CARM1: variants seen among roughly 807,000 people sequenced by gnomAD.
The protein encoded by CARM1 is coactivator associated arginine methyltransferase 1, also known as histone-arginine methyltransferase CARM1.
CARM1 carries 14 observed loss-of-function variants against 72.7 expected under a neutral mutation model. The ratio of observed to expected loss-of-function variants is 0.19; its 90% CI spans 0.13 to 0.30. CARM1 has a LOEUF of 0.30. Among genes scored for constraint, CARM1 ranks in the 10% least tolerant of loss-of-function variants. CARM1 has a pLI of 1.00. For missense variants in CARM1, 432 were observed against 833.7 expected, an observed-to-expected ratio of 0.52 and a Z score of 5.93; for synonymous variants, 333 against 345.5, an observed-to-expected ratio of 0.96 and a Z score of 0.40.
At chr19:10,911,691 C>T (rs1413492346) in intron 4 of CARM1, among the ~76,000 whole-genome samples, 1 of 152,252 alleles carries the variant, frequency 6.6e-6, no homozygotes, top group Non-Finnish European at 1.5e-5. Context: ...CTGGCCTGGA[C>T]TCTGCCATGA....
Position 10,896,974 on chromosome 19 carries a change from C to T in CARM1, c.221-7977C>T, listed in dbSNP as rs2074028596. Among the ~76,000 whole-genome samples, 1 of 152,240 alleles carries T rather than the reference C, an allele frequency of 6.6e-6. No individual in the cohort carries two copies. Among genetic ancestry groups the T allele is most frequent in the Non-Finnish European group, 1.5e-5 (1 of 68,048 alleles). On this transcript the variant is annotated intron_variant, in intron 1 of 15. Transcript: ENST00000327064. This position sits in a 1 kb window ranked among gnomAD's most constrained non-coding sequence, Gnocchi z 5.2. ...AGCTTTATGGGCACACAGCCATGCT[C>T]ATTTGTTTACATATTGTCTGCTGCA... is the stretch of plus-strand genomic sequence containing the variant.
At chr19:10,910,050 G>C (rs2074136716) in intron 4 of CARM1, among the ~76,000 whole-genome samples, 1 of 151,944 alleles carries the variant, frequency 6.6e-6, no homozygotes. Flanking sequence ...CTGTGATTGG[G>C]GTACTGCTCT....
chr19:10,913,243 C>A (rs373301229), intron 5 of CARM1, among the ~76,000 whole-genome samples: 1 of 151,974 alleles, frequency 6.6e-6, no homozygotes, highest in South Asian at 2.1e-4. Flanking sequence ...TAGCTGGGAT[C>A]CACCACTGCA....
intron 8 of CARM1, among the ~76,000 whole-genome samples, chr19:10,918,545 TCTGCTTGGTGTCTTAGCCTCTGATGCC>T (rs2074215993): frequency 6.6e-6 from 1 of 152,168 alleles, no homozygotes; most frequent in African/African-American, 2.4e-5. Context: ...TTAGCGGCTT[TCTGCTTGGTGTCTTAGCCTCTGATGCC>T]CTGCCTCGCT....
intron 1 of CARM1, among the ~76,000 whole-genome samples, chr19:10,877,123 C>A (rs777389742): frequency 2.0e-5 from 3 of 151,970 alleles, no homozygotes; most frequent in Non-Finnish European, 4.4e-5. Flanking sequence ...CTCCTGGGAT[C>A]CCCCTGACAG....
At chr19:10,900,752 C>T (rs1398307209) in intron 1 of CARM1, among the ~76,000 whole-genome samples, 3 of 151,810 alleles carry the variant, frequency 2.0e-5, no homozygotes, top group Admixed American at 1.3e-4. Context: ...GGCGTGATCT[C>T]GGCTCACCGC....
rs1216157095 is a variant in CARM1 at position 10,890,788 on chromosome 19, TA to T, written c.221-14162del. On this transcript the variant is annotated intron_variant, in intron 1 of 15. Transcript: ENST00000327064. ...ATACACACACACATATATATATATA[TA>T]TATATATTTTTTTTTTTTTTTTTTT... Among the ~76,000 whole-genome samples, 306 of 99,592 alleles carry T rather than the reference TA, an allele frequency of 3.1e-3. 2 individuals carry two copies. The highest frequency in any genetic ancestry group is 0.013 in the African/African-American group (277 of 21,216). 65.3% of individuals were successfully genotyped at this position (99,592 alleles called of 152,430 possible).
At position 10,920,531 on chromosome 19, in the gene CARM1, G is replaced by A. The variant is rs966223652; in HGVS notation, c.1292G>A (p.Gly431Glu). 1.9e-6 allele frequency: 3 copies of A among 1,613,836 alleles called. No homozygotes were observed. The highest frequency in any genetic ancestry group is 2.7e-5 in the African/African-American group (2 of 74,876). ...LFQSPLFAKAGDTLSGTCLLI... is the reference protein window; with the variant it reads ...LFQSPLFAKAEDTLSGTCLLI... ...CAGTCACCACTGTTCGCCAAGGCAGGGGACACGCTCTCAGGGACATGTCTG... is the reference window on the plus strand; with the variant it reads ...CAGTCACCACTGTTCGCCAAGGCAGAGGACACGCTCTCAGGGACATGTCTG... The change falls in exon 11 of 16, where the codon GGG (glycine) becomes GAG (glutamate). Residue 431 changes from glycine (G) to glutamate (E), a missense_variant. Around this residue, in one of 3 missense-constraint regions of CARM1, gnomAD observed 152 missense variants for 452.8 expected, o/e 0.34. Transcript: ENST00000327064. The surrounding 1 kb of genome is among the most constrained non-coding windows in gnomAD (Gnocchi z 5.3).
At chr19:10,872,317 G>A (rs2073825266) in intron 1 of CARM1, among the ~76,000 whole-genome samples, 1 of 151,580 alleles carries the variant, frequency 6.6e-6, no homozygotes, top group Admixed American at 6.6e-5. Context: ...GGGGGCGGGC[G>A]TGGCCGCCTC....
intron 1 of CARM1, among the ~76,000 whole-genome samples, chr19:10,878,178 G>C (rs74546077): frequency 3.6e-3 from 542 of 152,240 alleles, no homozygotes; most frequent in African/African-American, 0.013. Context: ...GCTAAGAAAG[G>C]CTTTTACAGT....
chr19:10,902,221 G>A (rs2145217521), intron 1 of CARM1, among the ~76,000 whole-genome samples: 1 of 152,130 alleles, frequency 6.6e-6, no homozygotes, highest in African/African-American at 2.4e-5. Flanking sequence ...ATTCCAGGCT[G>A]GGTGATGGAG....
rs2074248100 is a variant in CARM1 at position 10,921,457 on chromosome 19, CG to C, written c.1684+19del. The stretch of plus-strand genomic sequence containing the variant: ...GGATTGTCCAAGGTAACGAGGGTGG[CG>C]GGGGCAGGGCCCGTGGGGGCCGAGC... On this transcript the variant is annotated intron_variant, in intron 15 of 15. Coordinates refer to ENST00000327064, the MANE Select transcript of CARM1 (RefSeq NM_199141.2). 3 of 1,596,888 alleles carry C rather than the reference CG, an allele frequency of 1.9e-6. No individual in the cohort carries two copies. The highest frequency in any genetic ancestry group is 1.3e-5 in the African/African-American group (1 of 74,194).
At chr19:10,903,011 G>C (rs1217173957) in intron 1 of CARM1, among the ~76,000 whole-genome samples, 1 of 152,042 alleles carries the variant, frequency 6.6e-6, no homozygotes, top group African/African-American at 2.4e-5. Flanking sequence ...TTAGGTCATT[G>C]CTCCATTTGA....
chr19:10,876,958 T>C (rs2146297996), intron 1 of CARM1, among the ~76,000 whole-genome samples: 1 of 152,366 alleles, frequency 6.6e-6, no homozygotes, highest in African/African-American at 2.4e-5. Flanking sequence ...CTCAGAAGCT[T>C]ACACAGCAGC....
chr19:10,921,458 G>A lies in CARM1; in HGVS notation c.1684+15G>A, dbSNP rs201148101. 4.3e-5 allele frequency: 68 copies of A among 1,597,454 alleles called. 2 individuals carry two copies. The South Asian group carries it at 5.9e-4, about 14-fold the overall frequency. ...GATTGTCCAAGGTAACGAGGGTGGC[G>A]GGGGCAGGGCCCGTGGGGGCCGAGC... On this transcript the variant is annotated intron_variant, in intron 15 of 15. Coordinates refer to ENST00000327064, the MANE Select transcript of CARM1 (RefSeq NM_199141.2).
At chr19:10,902,933 C>G (rs1858509127) in intron 1 of CARM1, among the ~76,000 whole-genome samples, 1 of 152,124 alleles carries the variant, frequency 6.6e-6, no homozygotes, top group Non-Finnish European at 1.5e-5. Context: ...ATTCTGGACA[C>G]TAAATACTTA....
At chr19:10,905,239 C>G (rs1394828673) in intron 2 of CARM1, among the ~76,000 whole-genome samples, 163 bp downstream of exon 2, 1 of 152,258 alleles carries the variant, frequency 6.6e-6, no homozygotes, top group Non-Finnish European at 1.5e-5. Context: ...AGAATACACT[C>G]TGGCCTGGGC....
In CARM1 at chr19:10,922,285, C is replaced by T. The variant is rs1308821957; in HGVS notation, c.*528C>T. 1 of 152,736 alleles carries T rather than the reference C, an allele frequency of 6.5e-6. No homozygotes were observed. The highest frequency in any genetic ancestry group is 1.5e-5 in the Non-Finnish European group (1 of 68,104). 9.5% of individuals were successfully genotyped at this position (152,736 alleles called of 1,614,324 possible). On this transcript the variant is annotated 3_prime_UTR_variant, in exon 16 of 16. Coordinates refer to ENST00000327064, the MANE Select transcript of CARM1 (RefSeq NM_199141.2). ...GGCCGGCCGGGCCGAGCCAGCAGCC[C>T]CTCTCCCTAGACTCAGAGGCGCCGC...
At chr19:10,919,342 T>C (rs538912954) in intron 8 of CARM1, 1 of 485,080 alleles carries the variant, frequency 2.1e-6, no homozygotes, top group East Asian at 3.4e-5. Context: ...GATGTGTTCA[T>C]GTATCTGGAG....
Sources: allele counts gnomAD v4.1 joint callset (sites outside exome capture counted in the v4.1 genomes callset), GRCh38; gene constraint gnomAD v4.1.1; regional missense constraint gnomAD v4.1.1; non-coding constraint Gnocchi (gnomAD v3.1); transcripts MANE v1.5; gene names NCBI Gene and HGNC (gene_info 2026-07-23, HGNC 2026-07-21).